Variants in ENTPD7 observed in about 807,000 individuals in gnomAD.
ENTPD7 encodes the protein ectonucleoside triphosphate diphosphohydrolase 7, also known as NTPDase 7.
Under a neutral mutation model 77.9 loss-of-function variants are expected in ENTPD7, and 53 were observed. The observed-to-expected ratio is 0.68, with a 90% CI of 0.55 to 0.85. The LOEUF is 0.85. ENTPD7 is among the 40% of genes least tolerant of loss of function. ENTPD7 has a pLI of 0.00. For missense variants in ENTPD7, 636 were observed against 743.7 expected (o/e 0.86, Z 1.68); for synonymous variants, 248 against 274.9 (o/e 0.90, Z 0.97).
chr10:99,697,398 A>G (rs2269194), intron 9 of ENTPD7: 131,342 of 156,002 alleles, frequency 0.84, 55,578 homozygotes, highest in Middle Eastern at 0.93. Context: ...TTCCTTTTCC[A>G]TTTTCTTCTT....
At chr10:99,677,100 T>A (rs2133455656) in intron 3 of ENTPD7, among the ~76,000 whole-genome samples, 1 of 152,296 alleles carries the variant, frequency 6.6e-6, no homozygotes, top group Non-Finnish European at 1.5e-5. Context: ...CTAGATTGGT[T>A]TCAGGAGCGT....
chr10:99,671,105 C>T lies in ENTPD7; in HGVS notation c.192-8156C>T, dbSNP rs541029978. Among the ~76,000 whole-genome samples the T allele has an allele frequency of 2.0e-5, 3 of 152,026 alleles. No individual in the cohort carries two copies. In the East Asian group the frequency reaches 5.8e-4, roughly 29 times the overall value. The stretch of plus-strand genomic sequence containing the variant: ...ATGGAGCTCACAGAACTGGAAGTTT[C>T]TCAGAGTGAGTGAGTGGTGAGTGTG... On this transcript the variant is annotated intron_variant, in intron 3 of 12. Transcript: ENST00000370489.
At chr10:99,665,210 G>A (rs980069858) in intron 3 of ENTPD7, among the ~76,000 whole-genome samples, 6 of 150,090 alleles carry the variant, frequency 4.0e-5, no homozygotes, top group Non-Finnish European at 7.4e-5. Context: ...CTGGGATCAC[G>A]CCATTGTACT....
chr10:99,710,079 T>A lies in ENTPD7; in HGVS notation c.*5396T>A, dbSNP rs2036334692. On this transcript the variant is annotated 3_prime_UTR_variant, in exon 13 of 13. Coordinates refer to ENST00000370489, the MANE Select transcript of ENTPD7 (RefSeq NM_020354.5). Reference sequence around the variant, plus strand: ...GACTTCAGGCTAGCATAAAGACATGTCTGCTCCTGAGCCTCTTCTTTTAAA... The same window carrying A: ...GACTTCAGGCTAGCATAAAGACATGACTGCTCCTGAGCCTCTTCTTTTAAA... 2.0e-6 allele frequency: 2 copies of A among 985,316 alleles called. No individual in the cohort carries two copies. Among genetic ancestry groups the A allele is most frequent in the African/African-American group, 3.5e-5 (2 of 57,242 alleles). 61.0% of individuals were successfully genotyped at this position (985,316 alleles called of 1,614,324 possible).
At chr10:99,667,305 G>A (rs1358387859) in intron 3 of ENTPD7, among the ~76,000 whole-genome samples, 1 of 152,178 alleles carries the variant, frequency 6.6e-6, no homozygotes, top group Non-Finnish European at 1.5e-5. Flanking sequence ...CATTTATTGA[G>A]GGTTTGCTGT....
In ENTPD7 at chr10:99,659,881, C is replaced by T. The variant is rs375019188; in HGVS notation, c.-76C>T. On this transcript the variant is annotated 5_prime_UTR_variant, in exon 2 of 13. Transcript: ENST00000370489. The surrounding 1 kb of genome is among the most constrained non-coding windows in gnomAD (Gnocchi z 4.1). ...TTCTAGGCTGCAGACGTAGGAGATG[C>T]CTGGGACAAGGAGGCCACCTTCTCA... 3,225 of 1,604,500 alleles carry T rather than the reference C, an allele frequency of 2.0e-3. 4 individuals are homozygous for T. Among genetic ancestry groups the T allele is most frequent in the Non-Finnish European group, 2.5e-3 (2,982 of 1,172,370 alleles).
chr10:99,689,729 T>C (rs997954338), intron 7 of ENTPD7, among the ~76,000 whole-genome samples: 1 of 152,238 alleles, frequency 6.6e-6, no homozygotes, highest in African/African-American at 2.4e-5. Context: ...TAAAATTCCT[T>C]ATCTGCCTTT....
chr10:99,669,209 G>A (rs570403602), intron 3 of ENTPD7, among the ~76,000 whole-genome samples: 2 of 151,958 alleles, frequency 1.3e-5, no homozygotes, highest in South Asian at 4.2e-4. Context: ...GACAAATAAG[G>A]CATTGCTTTA....
intron 5 of ENTPD7, among the ~76,000 whole-genome samples, chr10:99,684,620 T>C (rs2035790650): frequency 6.6e-6 from 1 of 152,236 alleles, no homozygotes; most frequent in Non-Finnish European, 1.5e-5. Context: ...GCTAACAACA[T>C]TCTTCATCAA....
chr10:99,710,956 CTATT>C lies in ENTPD7; in HGVS notation c.*6276_*6279del, dbSNP rs1359824677. The C allele has an allele frequency of 1.6e-5, 16 of 985,160 alleles. No individual in the cohort carries two copies. The highest frequency in any genetic ancestry group is 1.9e-5 in the Non-Finnish European group (16 of 829,838). 61.0% of individuals were successfully genotyped at this position (985,160 alleles called of 1,614,324 possible). Reference sequence around the variant, plus strand: ...GACCTTTGAAAATATTAAGGGAAATCTATTTAATCCTATAGGTATGTGATGACTT... The same window carrying C: ...GACCTTTGAAAATATTAAGGGAAATCTAATCCTATAGGTATGTGATGACTT... On this transcript the variant is annotated 3_prime_UTR_variant, in exon 13 of 13. Coordinates refer to ENST00000370489, the MANE Select transcript of ENTPD7 (RefSeq NM_020354.5).
rs767630171 is a variant in ENTPD7 at position 99,696,127 on chromosome 10, A to G, written c.1010+5A>G. 2.5e-6 allele frequency: 4 copies of G among 1,612,596 alleles called. No homozygotes were observed. The African/African-American group carries it at 5.3e-5, about 22-fold the overall frequency. The stretch of plus-strand genomic sequence containing the variant: ...TGAAACTCTTAACAAAAACAGGTAC[A>G]TTTGATATGGGATCTGAGTTTCTGA... On this transcript the variant is annotated splice_donor_5th_base_variant and intron_variant, in intron 9 of 12. Coordinates refer to ENST00000370489, the MANE Select transcript of ENTPD7 (RefSeq NM_020354.5).
At chr10:99,668,047 G>A (rs895374617) in intron 3 of ENTPD7, among the ~76,000 whole-genome samples, 1 of 140,474 alleles carries the variant, frequency 7.1e-6, no homozygotes, top group Non-Finnish European at 1.5e-5. Context: ...CGATTCTCAT[G>A]CCTTAGCCTC....
At position 99,659,632 on chromosome 10, in the gene ENTPD7, G is replaced by A. The variant is rs988173678; in HGVS notation, c.-96+44G>A. The A allele has an allele frequency of 4.0e-6, 1 of 246,960 alleles. No individual in the cohort carries two copies. The highest frequency in any genetic ancestry group is 2.3e-5 in the African/African-American group (1 of 44,388). 15.3% of individuals were successfully genotyped at this position (246,960 alleles called of 1,614,324 possible). ...GGGCTGTGGGACCCGGAGGGACGGG[G>A]AGAGGAAGCGGGACCCACACCCCGC... On this transcript the variant is annotated intron_variant, in intron 1 of 12. Coordinates refer to ENST00000370489, the MANE Select transcript of ENTPD7 (RefSeq NM_020354.5). This position sits in a 1 kb window ranked among gnomAD's most constrained non-coding sequence, Gnocchi z 4.1.
In ENTPD7 at chr10:99,704,711, G is replaced by T. The variant is rs1226067829; in HGVS notation, c.*28G>T. ...CTGGACCAGGACTAGAGAAGCTTGA[G>T]CACCCCCGAGTTGCTGCTCATTGAA... is the stretch of plus-strand genomic sequence containing the variant. On this transcript the variant is annotated 3_prime_UTR_variant, in exon 13 of 13. Coordinates refer to ENST00000370489, the MANE Select transcript of ENTPD7 (RefSeq NM_020354.5). 1.9e-6 allele frequency: 3 copies of T among 1,590,468 alleles called. No individual in the cohort carries two copies. Among genetic ancestry groups the T allele is most frequent in the Non-Finnish European group, 2.6e-6 (3 of 1,165,492 alleles).
At chr10:99,677,359 CTTTTTTTT>C (rs560338561) in intron 3 of ENTPD7, among the ~76,000 whole-genome samples, 6 of 93,806 alleles carry the variant, frequency 6.4e-5, no homozygotes, top group African/African-American at 1.3e-4. Context: ...GGGCAGATAG[CTTTTTTTT>C]TTTTTTTTTT....
intron 3 of ENTPD7, among the ~76,000 whole-genome samples, chr10:99,670,701 T>C (rs2035609590): frequency 1.3e-5 from 2 of 152,034 alleles, no homozygotes; most frequent in Non-Finnish European, 2.9e-5. Flanking sequence ...ATAGAAAAGG[T>C]CCAGTGAAAA....
rs2035804182 is a variant in ENTPD7 at position 99,685,822 on chromosome 10, G to A, written c.579G>A (p.Val193=). The A allele has an allele frequency of 6.2e-7, 1 of 1,613,738 alleles. No homozygotes were observed. Among genetic ancestry groups the A allele is most frequent in the African/African-American group, 1.3e-5 (1 of 74,844 alleles). The part of the protein sequence containing the change: ...RKQLAILADL[V]KDLPLEFDFL... Reference sequence around the variant, plus strand: ...AGTTGGCTATCTTGGCTGACCTAGTGAAAGATTTACCACTGGAGTTTGACT... The same window carrying A: ...AGTTGGCTATCTTGGCTGACCTAGTAAAAGATTTACCACTGGAGTTTGACT... Residue 193 remains valine, a synonymous_variant, in exon 6 of 13, where the codon GTG becomes GTA. Transcript: ENST00000370489.
At chr10:99,670,791 G>A (rs974079269) in intron 3 of ENTPD7, among the ~76,000 whole-genome samples, 5 of 152,212 alleles carry the variant, frequency 3.3e-5, no homozygotes, top group Non-Finnish European at 7.3e-5. Context: ...GAAGTGGGCA[G>A]ATCTCTTGAG....
chr10:99,699,123 G>A (rs2036052280), intron 10 of ENTPD7, among the ~76,000 whole-genome samples: 1 of 152,196 alleles, frequency 6.6e-6, no homozygotes, highest in Non-Finnish European at 1.5e-5. Flanking sequence ...AAATTTTTGT[G>A]TTGGCTAATG....
Sources: gnomAD v4.1 joint callset for allele counts (sites outside exome capture counted in the v4.1 genomes callset) on GRCh38, gnomAD v4.1.1 for gene constraint, Gnocchi (gnomAD v3.1) non-coding constraint, MANE v1.5 for transcripts, NCBI Gene and HGNC (gene_info 2026-07-23, HGNC 2026-07-21) for gene names.